Variants in BMP5 observed in about 807,000 individuals in gnomAD.
The protein encoded by BMP5 is bone morphogenetic protein 5.
BMP5 carries 23 observed loss-of-function variants against 46.6 expected under a neutral mutation model. The observed-to-expected ratio is 0.49, with a 90% CI of 0.35 to 0.70. The LOEUF is 0.70. Among genes scored for constraint, BMP5 ranks in the 30% least tolerant of loss-of-function variants. The pLI is 0.00. For synonymous variants in BMP5, 204 were observed against 191.9 expected, an observed-to-expected ratio of 1.06 and a Z score of -0.52; for missense variants, 545 against 565.6, an observed-to-expected ratio of 0.96 and a Z score of 0.37.
rs750874184 is a variant in BMP5 at position 55,760,445 on chromosome 6, G to T, written c.1104+12C>A. ...CAGAAAAGAAGCACCAAAGTTGACTGAAAATTCCTACCTGCCATCCCAGAT... is the reference window on the plus strand; with the variant it reads ...CAGAAAAGAAGCACCAAAGTTGACTTAAAATTCCTACCTGCCATCCCAGAT... On this transcript the variant is annotated intron_variant, in intron 5 of 6. Transcript: ENST00000370830. 4 of 1,612,180 alleles carry T rather than the reference G, an allele frequency of 2.5e-6. No individual in the cohort carries two copies. The South Asian group carries it at 4.4e-5, about 18-fold the overall frequency.
At chr6:55,758,093 T>C (rs1774660300) in intron 6 of BMP5, among the ~76,000 whole-genome samples, 1 of 151,950 alleles carries the variant, frequency 6.6e-6, no homozygotes, top group African/African-American at 2.4e-5. Flanking sequence ...GACAAGATTG[T>C]CTACTATCTA....
At chr6:55,819,612 A>G (rs1385457791) in intron 2 of BMP5, 43 bp downstream of exon 2, 3 of 1,503,684 alleles carry the variant, frequency 2.0e-6, no homozygotes, top group Non-Finnish European at 2.8e-6. Flanking sequence ...CTAAAATTTT[A>G]CATATATTTG....
chr6:55,833,879 G>C (rs1218873392), intron 1 of BMP5, among the ~76,000 whole-genome samples: 1 of 152,070 alleles, frequency 6.6e-6, no homozygotes, highest in Non-Finnish European at 1.5e-5. Context: ...ACAATGTCCA[G>C]AGAGAACCAC....
chr6:55,849,240 G>A lies in BMP5; in HGVS notation c.490+25136C>T, dbSNP rs76201144. 5.0e-3 allele frequency among the ~76,000 whole-genome samples: 765 copies of A among 152,014 alleles called. 14 individuals carry two copies. The highest frequency in any genetic ancestry group is 0.016 in the African/African-American group (681 of 41,508). On this transcript the variant is annotated intron_variant, in intron 1 of 6. Transcript: ENST00000370830. ...ATCCTTATAGAGTTCATATTCTACC[G>A]GAGAAAACTGTAACAGCAAGAACTA...
intron 1 of BMP5, among the ~76,000 whole-genome samples, chr6:55,847,612 G>GA (rs1157063311): frequency 1.3e-5 from 2 of 151,678 alleles, no homozygotes; most frequent in Middle Eastern, 3.2e-3. Flanking sequence ...TATATTAATG[G>GA]AAAAAAATCA....
chr6:55,794,515 G>C (rs1189419575), intron 2 of BMP5, 88 bp from the exon 3 acceptor site: 7 of 1,326,392 alleles, frequency 5.3e-6, no homozygotes, highest in Admixed American at 5.2e-5. Flanking sequence ...TACAAAAGCA[G>C]TTTGTAAAAT....
chr6:55,818,249 CT>C (rs201426608), intron 2 of BMP5, among the ~76,000 whole-genome samples: 10,852 of 144,152 alleles, frequency 0.075, 374 homozygotes, highest in Middle Eastern at 0.11. Flanking sequence ...TAGTGTCTGG[CT>C]TTTTTTTTTT....
chr6:55,862,223 C>G (rs1582129039), intron 1 of BMP5, among the ~76,000 whole-genome samples: 1 of 152,108 alleles, frequency 6.6e-6, no homozygotes, highest in East Asian at 1.9e-4. Flanking sequence ...TATTTTGATG[C>G]AATTTTTACT....
intron 1 of BMP5, among the ~76,000 whole-genome samples, chr6:55,820,073 C>A (rs1441657019): frequency 6.6e-6 from 1 of 152,122 alleles, no homozygotes; most frequent in East Asian, 1.9e-4. Flanking sequence ...TATACAAATT[C>A]CTGGATCCTA....
intron 1 of BMP5, among the ~76,000 whole-genome samples, chr6:55,856,415 T>C (rs1013169252): frequency 6.6e-6 from 1 of 152,168 alleles, no homozygotes; most frequent in Non-Finnish European, 1.5e-5. Flanking sequence ...TGTGTCATAA[T>C]GGCAAGCATA....
intron 1 of BMP5, among the ~76,000 whole-genome samples, chr6:55,834,356 A>C (rs1776736124): frequency 6.6e-6 from 1 of 152,178 alleles, no homozygotes; most frequent in African/African-American, 2.4e-5. Flanking sequence ...TTCAATAATA[A>C]AAGTAAATAT....
At chr6:55,763,257 G>A (rs561952812) in intron 4 of BMP5, among the ~76,000 whole-genome samples, 78 of 152,090 alleles carry the variant, frequency 5.1e-4, no homozygotes, top group African/African-American at 1.8e-3. Flanking sequence ...TGAATTCTAT[G>A]TATATAAAAA....
At chr6:55,775,794 A>G (rs1464766668) in intron 3 of BMP5, among the ~76,000 whole-genome samples, 1 of 151,816 alleles carries the variant, frequency 6.6e-6, no homozygotes, top group East Asian at 1.9e-4. Flanking sequence ...CAGCATAAAA[A>G]CTTTTGTGTA....
At chr6:55,823,224 G>C (rs537221226) in intron 1 of BMP5, among the ~76,000 whole-genome samples, 1 of 152,170 alleles carries the variant, frequency 6.6e-6, no homozygotes, top group East Asian at 1.9e-4. Flanking sequence ...TTAGAGGCTA[G>C]TTCATTGTTA....
At chr6:55,802,135 A>G (rs1318181777) in intron 2 of BMP5, among the ~76,000 whole-genome samples, 1 of 152,202 alleles carries the variant, frequency 6.6e-6, no homozygotes, top group Non-Finnish European at 1.5e-5. Context: ...TCTATGATTC[A>G]ACTAGCAAAA....
At chr6:55,780,145 T>C (rs1775273277) in intron 3 of BMP5, among the ~76,000 whole-genome samples, 1 of 151,018 alleles carries the variant, frequency 6.6e-6, no homozygotes, top group Non-Finnish European at 1.5e-5. Context: ...TGGTAATGTG[T>C]GAAAATCAAA....
intron 1 of BMP5, among the ~76,000 whole-genome samples, chr6:55,836,130 T>C (rs1371328348): frequency 6.6e-6 from 1 of 152,148 alleles, no homozygotes; most frequent in Non-Finnish European, 1.5e-5. Context: ...ACTCACAAAA[T>C]ATCACAGGAT....
intron 3 of BMP5, among the ~76,000 whole-genome samples, chr6:55,776,009 A>G (rs925434006): frequency 4.6e-5 from 7 of 151,882 alleles, no homozygotes; most frequent in East Asian, 1.9e-4. Context: ...TCCAATTCCT[A>G]CAAGTATTAA....
intron 1 of BMP5, among the ~76,000 whole-genome samples, chr6:55,842,707 G>A (rs914398852): frequency 1.3e-5 from 2 of 150,394 alleles, no homozygotes; most frequent in Admixed American, 6.6e-5. Flanking sequence ...TACACATTCT[G>A]TTGAAGATTA....
Sources: allele counts gnomAD v4.1 joint callset (sites outside exome capture counted in the v4.1 genomes callset), GRCh38; gene constraint gnomAD v4.1.1; transcripts MANE v1.5; gene names NCBI Gene and HGNC (gene_info 2026-07-23, HGNC 2026-07-21).